Variants in MAK observed in about 807,000 individuals in gnomAD.
MAK encodes the protein serine/threonine-protein kinase MAK.
MAK carries 65 observed loss-of-function variants against 82.6 expected under a neutral mutation model. The ratio of observed to expected loss-of-function variants is 0.79; its 90% CI spans 0.64 to 0.97. The LOEUF (loss-of-function observed/expected upper bound fraction) is 0.97, where lower values mean the gene tolerates loss of function less well. MAK is among the 50% of genes least tolerant of loss of function. MAK has a pLI of 0.00. For missense variants in MAK, 703 were observed against 780.2 expected (o/e 0.90, Z 1.18); for synonymous variants, 250 against 274.2 (o/e 0.91, Z 0.87).
Position 10,776,062 on chromosome 6 carries a change from A to T in MAK, c.1466-603T>A, listed in dbSNP as rs1343613003. On this transcript the variant is annotated intron_variant, in intron 11 of 14. Coordinates refer to ENST00000354489, the MANE Select transcript of MAK (RefSeq NM_001242957.3). The surrounding 1 kb of genome is among the most constrained non-coding windows in gnomAD (Gnocchi z 4.3). Reference sequence around the variant, plus strand: ...CTTGGCCTCCCAAAGTGCTGAGATTACAGGTGTAAGCCACCACACCCGACC... The same window carrying T: ...CTTGGCCTCCCAAAGTGCTGAGATTTCAGGTGTAAGCCACCACACCCGACC... Among the ~76,000 whole-genome samples, 1 of 152,236 alleles carries T rather than the reference A, an allele frequency of 6.6e-6. No homozygotes were observed. Among genetic ancestry groups the T allele is most frequent in the Non-Finnish European group, 1.5e-5 (1 of 68,050 alleles).
At position 10,775,467 on chromosome 6, in the gene MAK, G is replaced by T. The variant is rs1351967048; in HGVS notation, c.1466-8C>A. 1.2e-6 allele frequency: 2 copies of T among 1,612,008 alleles called. No homozygotes were observed. Among genetic ancestry groups the T allele is most frequent in the Non-Finnish European group, 1.7e-6 (2 of 1,178,744 alleles). On this transcript the variant is annotated splice_region_variant and splice_polypyrimidine_tract_variant and intron_variant, in intron 11 of 14. Transcript: ENST00000354489. ...CCTTCTTGGGATTCACACCTGAGAA[G>T]AACAAAACAACCACTTCAAAGGTTA...
At chr6:10,827,052 G>A (rs189858837) in intron 2 of MAK, among the ~76,000 whole-genome samples, 100 of 152,200 alleles carry the variant, frequency 6.6e-4, no homozygotes, top group African/African-American at 2.3e-3. Context: ...CAGAGGTTGT[G>A]GTGAGCTGAG....
intron 9 of MAK, 21 bp downstream of exon 9, chr6:10,795,977 G>A (rs758668163): frequency 3.6e-5 from 58 of 1,609,614 alleles, no homozygotes; most frequent in Non-Finnish European, 4.6e-5. Context: ...TTCATTGCAA[G>A]TGTCATGACT....
chr6:10,808,637 T>G (rs535482517), intron 6 of MAK, among the ~76,000 whole-genome samples, 173 bp downstream of exon 6: 1 of 152,348 alleles, frequency 6.6e-6, no homozygotes, highest in African/African-American at 2.4e-5. Flanking sequence ...TTCCTTTTTT[T>G]TTCAGTGATC....
chr6:10,781,421 AT>A (rs1007040142), intron 11 of MAK, among the ~76,000 whole-genome samples: 3,838 of 134,394 alleles, frequency 0.029, 125 homozygotes, highest in African/African-American at 0.092. Flanking sequence ...TCAAAAGTAG[AT>A]TTTTTTTTTT....
intron 2 of MAK, among the ~76,000 whole-genome samples, chr6:10,821,267 G>A (rs1208407639): frequency 6.8e-6 from 1 of 147,990 alleles, no homozygotes; most frequent in East Asian, 2.1e-4. Context: ...TTCTTGAAAC[G>A]TAATTTCAGA....
intron 5 of MAK, among the ~76,000 whole-genome samples, chr6:10,809,325 G>A (rs1468576106): frequency 6.6e-6 from 1 of 152,192 alleles, no homozygotes; most frequent in Non-Finnish European, 1.5e-5. Context: ...AGGAGGTTGA[G>A]GGCCAGAGTG....
At chr6:10,827,221 C>T (rs1432973876) in intron 2 of MAK, among the ~76,000 whole-genome samples, 1 of 152,122 alleles carries the variant, frequency 6.6e-6, no homozygotes, top group Admixed American at 6.5e-5. Flanking sequence ...ACAGTAATAA[C>T]CATCTGTGGG....
rs1774322711 is a variant in MAK at position 10,784,447 on chromosome 6, AAGTAGT to A, written c.1436_1441del (p.Tyr479_Tyr480del). The A allele has an allele frequency of 6.2e-7, 1 of 1,614,176 alleles. No individual in the cohort carries two copies. Among genetic ancestry groups the A allele is most frequent in the Non-Finnish European group, 8.5e-7 (1 of 1,180,004 alleles). ...ACCTGGAAGATATCTTGATTGTTTCAAGTAGTACTGTTTAGAGGTTGGAGCAGTTGA... is the reference window on the plus strand; with the variant it reads ...ACCTGGAAGATATCTTGATTGTTTCAACTGTTTAGAGGTTGGAGCAGTTGA... On this transcript the variant is annotated inframe_deletion, in exon 11 of 15. Coordinates refer to ENST00000354489, the MANE Select transcript of MAK (RefSeq NM_001242957.3).
chr6:10,794,994 AAATAAT>A (rs61082229), intron 9 of MAK, among the ~76,000 whole-genome samples: 76 of 150,502 alleles, frequency 5.0e-4, no homozygotes, highest in African/African-American at 1.6e-3. Context: ...CTCTGTCTCA[AAATAAT>A]AATAATAATA....
chr6:10,783,954 G>A (rs1774267573), intron 11 of MAK, among the ~76,000 whole-genome samples: 1 of 152,144 alleles, frequency 6.6e-6, no homozygotes, highest in Non-Finnish European at 1.5e-5. Flanking sequence ...GGGAGGTGGA[G>A]GTTGCAGTGA....
At chr6:10,813,918 G>GT (rs1305501451) in intron 4 of MAK, among the ~76,000 whole-genome samples, 195 bp from the exon 5 acceptor site, 1 of 152,006 alleles carries the variant, frequency 6.6e-6, no homozygotes, top group Non-Finnish European at 1.5e-5. Context: ...TTGATGTGAG[G>GT]TAAAAACTCA....
rs888755535 is a variant in MAK, at chr6:10,807,228, C to A, written c.491+1582G>T. 3.3e-5 allele frequency among the ~76,000 whole-genome samples: 5 copies of A among 152,088 alleles called. No homozygotes were observed. In the East Asian group the frequency reaches 5.8e-4, roughly 18 times the overall value. On this transcript the variant is annotated intron_variant, in intron 6 of 14. Coordinates refer to ENST00000354489, the MANE Select transcript of MAK (RefSeq NM_001242957.3). ...TCCATCAGGGCTACTCTCAGTCAGA[C>A]CCTCCATGTAACATTCCTTTCTCTC... is the stretch of plus-strand genomic sequence containing the variant.
chr6:10,778,863 C>T (rs1191287811), intron 11 of MAK, among the ~76,000 whole-genome samples: 3 of 152,014 alleles, frequency 2.0e-5, no homozygotes, highest in African/African-American at 7.2e-5. Context: ...TGCGGTGGCT[C>T]ATGCCTGTAA....
intron 10 of MAK, among the ~76,000 whole-genome samples, chr6:10,789,601 A>G (rs1012263549): frequency 2.0e-5 from 3 of 152,150 alleles, no homozygotes; most frequent in African/African-American, 7.2e-5. Flanking sequence ...AACTAATACT[A>G]AAATAGAACA....
At chr6:10,815,456 C>T (rs1037728250) in intron 4 of MAK, among the ~76,000 whole-genome samples, 4 of 152,036 alleles carry the variant, frequency 2.6e-5, no homozygotes. Context: ...GACCCTGTCT[C>T]TACTAAAAAT....
rs1018760726 is a variant in MAK at position 10,817,762 on chromosome 6, A to G, written c.278+88T>C. 21 of 1,099,066 alleles carry G rather than the reference A, an allele frequency of 1.9e-5. No homozygotes were observed. The Admixed American group carries it at 3.0e-4, about 16-fold the overall frequency. The allele number at this position is 1,099,066 out of a possible 1,614,324, so 68.1% of individuals were successfully genotyped here. A position where few individuals can be genotyped will look rare whatever the true frequency, so the allele number is the denominator to read the frequency against. On this transcript the variant is annotated intron_variant, in intron 4 of 14. Coordinates refer to ENST00000354489, the MANE Select transcript of MAK (RefSeq NM_001242957.3). ...TTTAAATTTACCTTTTGGAGCAATC[A>G]ATCTTTCTCTCATAAAGTATGACAT... is the stretch of plus-strand genomic sequence containing the variant.
rs1368674924 is a variant in MAK at position 10,764,577 on chromosome 6, C to T, written c.1822G>A (p.Gly608Arg). The change falls in exon 15 of 15, where the codon GGG (glycine) becomes AGG (arginine). Residue 608 changes from glycine (G) to arginine (R), a missense_variant. By Grantham distance (125) the Gly-to-Arg change is moderately radical. Coordinates refer to ENST00000354489, the MANE Select transcript of MAK (RefSeq NM_001242957.3). ...TTATAAGTACGTCCTGAAAACTGCC[C>T]CCGACCAGTTTTTGTGTTCCAGGTA... ...EYTWNTKTGR[G>R]QFSGRTYNPT... 1.2e-6 allele frequency: 2 copies of T among 1,613,874 alleles called. No individual in the cohort carries two copies. The highest frequency in any genetic ancestry group is 1.3e-5 in the African/African-American group (1 of 74,974).
intron 11 of MAK, among the ~76,000 whole-genome samples, chr6:10,782,235 CACACACACACACACAG>C (rs1460379232): frequency 2.5e-5 from 2 of 80,588 alleles, no homozygotes; most frequent in South Asian, 4.2e-4. Context: ...CACACACACA[CACACACACACACACAG>C]ACACACACCA....
Sources: allele counts gnomAD v4.1 joint callset (sites outside exome capture counted in the v4.1 genomes callset), GRCh38; gene constraint gnomAD v4.1.1; non-coding constraint Gnocchi (gnomAD v3.1); transcripts MANE v1.5; gene names NCBI Gene and HGNC (gene_info 2026-07-23, HGNC 2026-07-21).